The following UBE2D2 variants were observed in gnomAD, a reference collection of about 807,000 sequenced individuals.
UBE2D2 encodes ubiquitin-conjugating enzyme E2 D2.
Under a neutral mutation model 24.2 loss-of-function variants are expected in UBE2D2, and 2 were observed. The observed-to-expected ratio is 0.08, with a 90% CI of 0.03 to 0.26. UBE2D2 has a LOEUF of 0.26. UBE2D2 is among the 10% of genes least tolerant of loss of function. The probability of loss-of-function intolerance (pLI) is 1.00; values close to 1 mark genes in which losing one functional copy is unlikely to be tolerated. For synonymous variants in UBE2D2, 58 were observed against 56.5 expected (o/e 1.03, Z -0.12); for missense variants, 44 against 177.6 (o/e 0.25, Z 4.28).
chr5:139,626,208 A>G (rs1421273049), intron 6 of UBE2D2, among the ~76,000 whole-genome samples: 2 of 151,908 alleles, frequency 1.3e-5, no homozygotes, highest in Non-Finnish European at 2.9e-5. Context: ...AGCTGGGACT[A>G]TAGTCATGCG....
At chr5:139,529,112 G>T (rs1259766182) in intron 1 of UBE2D2, among the ~76,000 whole-genome samples, 2 of 152,122 alleles carry the variant, frequency 1.3e-5, no homozygotes, top group Non-Finnish European at 2.9e-5. Context: ...ACAAAAGATT[G>T]CTACAGTCAT....
intron 5 of UBE2D2, among the ~76,000 whole-genome samples, chr5:139,622,160 G>A (rs897238163): frequency 6.6e-6 from 1 of 151,772 alleles, no homozygotes; most frequent in South Asian, 2.1e-4. Flanking sequence ...TGCACAAAGG[G>A]GCTTATATTT....
chr5:139,567,288 C>T lies in UBE2D2; in HGVS notation c.24+5473C>T, dbSNP rs1317537885. Among the ~76,000 whole-genome samples, 5 of 152,114 alleles carry T rather than the reference C, an allele frequency of 3.3e-5. No individual in the cohort carries two copies. In the East Asian group the frequency reaches 7.7e-4, roughly 24 times the overall value. On this transcript the variant is annotated intron_variant, in intron 1 of 6. Coordinates refer to ENST00000398733, the MANE Select transcript of UBE2D2 (RefSeq NM_003339.3). ...CTAATTTTTGTATTTTTGGTAGAGA[C>T]GGGGTTTCACCATATTGGCCAGGCT...
At chr5:139,534,117 G>C (rs1176450481) in intron 1 of UBE2D2, among the ~76,000 whole-genome samples, 1 of 150,688 alleles carries the variant, frequency 6.6e-6, no homozygotes, top group African/African-American at 2.4e-5. Context: ...CACATTCTTT[G>C]ACCTGGCATC....
intron 1 of UBE2D2, among the ~76,000 whole-genome samples, chr5:139,541,400 G>C (rs1353968084): frequency 1.3e-5 from 2 of 151,516 alleles, no homozygotes; most frequent in Non-Finnish European, 2.9e-5. Context: ...AGGAGTTCGA[G>C]ACCAGCCTGG....
At chr5:139,578,679 C>T (rs1753534758) in intron 1 of UBE2D2, among the ~76,000 whole-genome samples, 1 of 152,036 alleles carries the variant, frequency 6.6e-6, no homozygotes, top group Non-Finnish European at 1.5e-5. Context: ...TCTCAAACTC[C>T]TGTATTCAAG....
intron 1 of UBE2D2, among the ~76,000 whole-genome samples, chr5:139,574,364 G>A (rs572069514): frequency 6.6e-6 from 1 of 151,754 alleles, no homozygotes; most frequent in African/African-American, 2.4e-5. Context: ...AGTATCTCCT[G>A]GGGAATGCTG....
At chr5:139,612,136 A>G (rs1397853799) in intron 2 of UBE2D2, 1 of 182,448 alleles carries the variant, frequency 5.5e-6, no homozygotes, top group Admixed American at 5.2e-5. Context: ...GCCTCCTGCA[A>G]AGTAACAAAA....
In UBE2D2 at chr5:139,582,977, C is replaced by CT. The variant is rs568361893; in HGVS notation, c.25-17381dup. Among the ~76,000 whole-genome samples the CT allele has an allele frequency of 2.5e-3, 324 of 130,048 alleles. 1 individual carries two copies. Among genetic ancestry groups the CT allele is most frequent in the African/African-American group, 4.8e-3 (168 of 35,338 alleles). 85.3% of individuals were successfully genotyped at this position (130,048 alleles called of 152,430 possible). The stretch of plus-strand genomic sequence containing the variant: ...GAGCCACTGCGCCCGGCTTTTTTTT[C>CT]TTTTTTTTTTTTTTGAAGACGGCGT... On this transcript the variant is annotated intron_variant, in intron 1 of 6. Transcript: ENST00000398733.
In UBE2D2 at chr5:139,541,301, GA is replaced by G. The variant is rs146638009; in HGVS notation, c.-64+14700del. Among the ~76,000 whole-genome samples the G allele has an allele frequency of 7.3e-3, 912 of 125,408 alleles. 13 individuals carry two copies. The highest frequency in any genetic ancestry group is 0.025 in the Middle Eastern group (5 of 202). The allele number at this position is 125,408 out of a possible 152,430, so 82.3% of individuals were successfully genotyped here. ...CCACAAAGTGAGACTCTGTTTCGAA[GA>G]AAAAAAAAAAGCGGGGGGACCGGGC... On this transcript the variant is annotated intron_variant, in intron 1 of 6. Transcript: ENST00000511725.
At chr5:139,588,876 G>C (rs369103533) in intron 1 of UBE2D2, among the ~76,000 whole-genome samples, 2 of 152,058 alleles carry the variant, frequency 1.3e-5, no homozygotes, top group Non-Finnish European at 2.9e-5. Context: ...GATCCTCCCA[G>C]TTGTAGATCC....
intron 1 of UBE2D2, among the ~76,000 whole-genome samples, chr5:139,529,972 T>C (rs1334849396): frequency 6.6e-6 from 1 of 152,192 alleles, no homozygotes; most frequent in Admixed American, 6.5e-5. Flanking sequence ...CAGTTCCTGA[T>C]GAATTCCCAG....
chr5:139,549,144 G>A (rs1327243420), intron 1 of UBE2D2, among the ~76,000 whole-genome samples: 1 of 152,164 alleles, frequency 6.6e-6, no homozygotes, highest in Non-Finnish European at 1.5e-5. Flanking sequence ...ACTGTGCCCG[G>A]TCTTAAAAGC....
In UBE2D2 at chr5:139,535,445, G is replaced by A. The variant is rs183935117; in HGVS notation, c.-64+8833G>A. ...CACTCCAGCCTGGGAGCGAGACTCC[G>A]TCTCAAAAAAAAACAAAAAACAAAA... On this transcript the variant is annotated intron_variant, in intron 1 of 6. Transcript: ENST00000511725. Among the ~76,000 whole-genome samples, 282 of 149,502 alleles carry A rather than the reference G, an allele frequency of 1.9e-3. 1 individual carries two copies. The highest frequency in any genetic ancestry group is 6.6e-3 in the African/African-American group (267 of 40,574).
chr5:139,575,907 A>T (rs767102687), intron 1 of UBE2D2, among the ~76,000 whole-genome samples: 2 of 152,156 alleles, frequency 1.3e-5, no homozygotes, highest in Non-Finnish European at 2.9e-5. Context: ...AGTCATAGCT[A>T]CTGGGAAGAC....
chr5:139,561,927 C>G, intron 1 of UBE2D2, 112 bp downstream of exon 1: 1 of 1,387,360 alleles, frequency 7.2e-7, no homozygotes, highest in Non-Finnish European at 9.4e-7. Flanking sequence ...GCTGCCGGTG[C>G]TGGCCCCTCG....
intron 1 of UBE2D2, among the ~76,000 whole-genome samples, chr5:139,547,733 T>C (rs1367672818): frequency 2.0e-5 from 3 of 151,526 alleles, no homozygotes; most frequent in African/African-American, 4.8e-5. Flanking sequence ...CTCGCTCTGT[T>C]GCCCAGGCTG....
chr5:139,573,698 A>G lies in UBE2D2; in HGVS notation c.24+11883A>G, dbSNP rs1003915055. 6.6e-5 allele frequency among the ~76,000 whole-genome samples: 10 copies of G among 152,034 alleles called. No individual in the cohort carries two copies. The South Asian group carries it at 1.9e-3, about 28-fold the overall frequency. On this transcript the variant is annotated intron_variant, in intron 1 of 6. Transcript: ENST00000398733. ...TAAAATGTCTTTCTCGGCCGGGCGCAGTGGCTCAAGCTTGTAATCCCAGCA... is the reference window on the plus strand; with the variant it reads ...TAAAATGTCTTTCTCGGCCGGGCGCGGTGGCTCAAGCTTGTAATCCCAGCA...
intron 1 of UBE2D2, among the ~76,000 whole-genome samples, chr5:139,554,372 C>A (rs1752955308): frequency 6.6e-6 from 1 of 152,170 alleles, no homozygotes; most frequent in Non-Finnish European, 1.5e-5. Context: ...GCCAAAGTCA[C>A]CACCTGACTT....
Sources: allele counts gnomAD v4.1 joint callset (sites outside exome capture counted in the v4.1 genomes callset), GRCh38; gene constraint gnomAD v4.1.1; transcripts MANE v1.5; gene names NCBI Gene and HGNC (gene_info 2026-07-23, HGNC 2026-07-21).